ACSM3: variants seen among roughly 807,000 people sequenced by gnomAD.
ACSM3 encodes the protein acyl-coenzyme A synthetase ACSM3, mitochondrial.
In ACSM3, 61 loss-of-function variants were observed where a neutral mutation model predicts 74.1. The observed-to-expected ratio is 0.82, with a 90% CI of 0.67 to 1.02. The LOEUF is 1.02. ACSM3 is among the 50% of genes least tolerant of loss of function. The probability of loss-of-function intolerance (pLI) is 0.00; values close to 1 mark genes in which losing one functional copy is unlikely to be tolerated. For synonymous variants in ACSM3, 213 were observed against 241.5 expected, an observed-to-expected ratio of 0.88 and a Z score of 1.09; for missense variants, 660 against 697.0, an observed-to-expected ratio of 0.95 and a Z score of 0.60.
chr16:20,750,474 CT>C (rs1188126300), intron 2 of ACSM3, among the ~76,000 whole-genome samples: 3 of 152,106 alleles, frequency 2.0e-5, no homozygotes, highest in African/African-American at 7.2e-5. Flanking sequence ...AAACACCCCC[CT>C]CTCTCTCGTT....
At chr16:20,764,484 A>G (rs992901050) in intron 1 of ACSM3, among the ~76,000 whole-genome samples, 8 of 152,092 alleles carry the variant, frequency 5.3e-5, no homozygotes, top group African/African-American at 1.9e-4. Flanking sequence ...TTAGGAGGCT[A>G]TGGTGGGCAG....
At chr16:20,796,534 A>G in intron 13 of ACSM3, 45 bp downstream of exon 13, 7 of 1,599,068 alleles carry the variant, frequency 4.4e-6, no homozygotes, top group Non-Finnish European at 5.9e-6. Flanking sequence ...TGTTGTGGAC[A>G]ATTTCAAGTG....
intron 1 of ACSM3, among the ~76,000 whole-genome samples, chr16:20,684,162 T>C (rs909611925): frequency 6.6e-6 from 1 of 152,156 alleles, no homozygotes; most frequent in African/African-American, 2.4e-5. Flanking sequence ...GGGAAATCTC[T>C]ACATAAGAAT....
chr16:20,759,841 G>A (rs770814770), upstream of ACSM3, among the ~76,000 whole-genome samples: 1 of 152,116 alleles, frequency 6.6e-6, no homozygotes, highest in African/African-American at 2.4e-5. Flanking sequence ...TTACAACCTT[G>A]AATCTTATGA....
chr16:20,766,950 T>G (rs2080132646), intron 1 of ACSM3, among the ~76,000 whole-genome samples: 1 of 152,064 alleles, frequency 6.6e-6, no homozygotes, highest in African/African-American at 2.4e-5. Context: ...AAAGAAACCC[T>G]GAAAAGATAA....
At chr16:20,741,830 T>G in intron 1 of ACSM3, 2 of 1,539,478 alleles carry the variant, frequency 1.3e-6, no homozygotes, top group Non-Finnish European at 8.7e-7. Flanking sequence ...ACGTCGGATA[T>G]GAGCGACGGC....
At chr16:20,779,021 G>A (rs150533280) in intron 4 of ACSM3, among the ~76,000 whole-genome samples, 3,121 of 152,286 alleles carry the variant, frequency 0.02, 117 homozygotes, top group African/African-American at 0.072. Flanking sequence ...AAAGTGCTGG[G>A]ATTACAGGCG....
Position 20,729,403 on chromosome 16 carries a change from G to A in ACSM3, c.-189-20507G>A, listed in dbSNP as rs918390802. Reference sequence around the variant, plus strand: ...TAAGAGGCAAGGATTGACAGGGGGGGAGCTCTCCTACTGGAGGATGTGGTG... The same window carrying A: ...TAAGAGGCAAGGATTGACAGGGGGGAAGCTCTCCTACTGGAGGATGTGGTG... On this transcript the variant is annotated intron_variant, in intron 1 of 3. Coordinates refer to the ACSM3 transcript ENST00000561584. 3.6e-5 allele frequency: 37 copies of A among 1,033,022 alleles called. No homozygotes were observed. In the African/African-American group the frequency reaches 5.7e-4, roughly 16 times the overall value. 64.0% of individuals were successfully genotyped at this position (1,033,022 alleles called of 1,614,324 possible). A position where few individuals can be genotyped will look rare whatever the true frequency, so the allele number is the denominator to read the frequency against.
chr16:20,737,853 C>T, intron 1 of ACSM3: 1 of 1,613,832 alleles, frequency 6.2e-7, no homozygotes, highest in South Asian at 1.1e-5. Context: ...CTAAAAAAGC[C>T]TTGCATGTGC....
chr16:20,788,759 A>AT (rs1435325977), intron 9 of ACSM3, among the ~76,000 whole-genome samples: 1 of 152,374 alleles, frequency 6.6e-6, no homozygotes, highest in Non-Finnish European at 1.5e-5. Flanking sequence ...CTATATTCCC[A>AT]TCTATTAAAA....
chr16:20,717,106 C>T (rs1015869528), intron 1 of ACSM3, among the ~76,000 whole-genome samples: 1 of 152,138 alleles, frequency 6.6e-6, no homozygotes, highest in Admixed American at 6.5e-5. Flanking sequence ...AACGTGCTAC[C>T]CTTGGTATGA....
intron 1 of ACSM3, among the ~76,000 whole-genome samples, chr16:20,692,507 C>A (rs573083599): frequency 3.3e-5 from 5 of 152,126 alleles, no homozygotes; most frequent in African/African-American, 1.2e-4. Flanking sequence ...TTATTGTGCA[C>A]CGGTATCTCT....
At chr16:20,729,389 G>GC in intron 1 of ACSM3, 1 of 1,196,668 alleles carries the variant, frequency 8.4e-7, no homozygotes, top group Non-Finnish European at 1.2e-6. Flanking sequence ...AAGAGGCAAG[G>GC]ATTGACAGGG....
chr16:20,721,252 A>G (rs569468982), intron 1 of ACSM3: 19 of 152,366 alleles, frequency 1.2e-4, no homozygotes, highest in African/African-American at 4.6e-4. Context: ...TGGATGATGG[A>G]CCTAGAACAT....
intron 1 of ACSM3, among the ~76,000 whole-genome samples, chr16:20,685,892 T>C (rs1313082434): frequency 6.7e-6 from 1 of 149,068 alleles, no homozygotes; most frequent in African/African-American, 2.5e-5. Flanking sequence ...GGAGCGGGAC[T>C]TCTGGCCTAC....
chr16:20,755,788 C>CT (rs1440628082), intron 3 of ACSM3, among the ~76,000 whole-genome samples: 1 of 109,314 alleles, frequency 9.1e-6, no homozygotes. Context: ...CTCCCCCCCC[C>CT]CCACCCCACA....
intron 1 of ACSM3, chr16:20,764,582 G>T (rs2080106269): frequency 6.6e-6 from 1 of 152,164 alleles, no homozygotes; most frequent in African/African-American, 2.4e-5. Context: ...AATTAGCCAG[G>T]TGTGGTGGCA....
At chr16:20,732,842 C>CTCCT (rs2079839005) in intron 1 of ACSM3, 1 of 154,590 alleles carries the variant, frequency 6.5e-6, no homozygotes, top group Non-Finnish European at 1.5e-5. Flanking sequence ...TGCAAGCTCT[C>CTCCT]TCCTATTGCA....
At chr16:20,738,041 A>G (rs1056663863) in intron 1 of ACSM3, 19 of 1,233,634 alleles carry the variant, frequency 1.5e-5, no homozygotes, top group Middle Eastern at 2.6e-4. Context: ...TGGCAATGAC[A>G]TAAGTTGACA....
Sources: gnomAD v4.1 joint callset for allele counts (sites outside exome capture counted in the v4.1 genomes callset) on GRCh38, gnomAD v4.1.1 for gene constraint, MANE v1.5 for transcripts, NCBI Gene and HGNC (gene_info 2026-07-23, HGNC 2026-07-21) for gene names.